Variants in VAV2 observed in about 807,000 individuals in gnomAD.
VAV2 encodes vav guanine nucleotide exchange factor 2, also known as guanine nucleotide exchange factor VAV2.
A neutral mutation model predicts 132.5 loss-of-function variants in VAV2; 67 were observed. The ratio of observed to expected loss-of-function variants is 0.51; its 90% CI spans 0.42 to 0.62. VAV2 has a LOEUF of 0.62. Ranked by LOEUF, VAV2 falls within the 20% of genes least tolerant of loss-of-function variation. The probability of loss-of-function intolerance (pLI) is 0.00; values close to 1 mark genes in which losing one functional copy is unlikely to be tolerated. For missense variants in VAV2, 938 were observed against 1,153.6 expected (o/e 0.81, Z 2.71); for synonymous variants, 492 against 443.5 (o/e 1.11, Z -1.37).
At chr9:133,862,159 C>T (rs1225623952) in intron 2 of VAV2, among the ~76,000 whole-genome samples, 3 of 152,278 alleles carry the variant, frequency 2.0e-5, no homozygotes, top group Non-Finnish European at 4.4e-5. Context: ...CGGCCTGCCC[C>T]GTGATGTGGG....
chr9:133,815,128 C>G (rs1231477221), intron 4 of VAV2, among the ~76,000 whole-genome samples: 1 of 151,956 alleles, frequency 6.6e-6, no homozygotes, highest in Admixed American at 6.5e-5. Flanking sequence ...AGATGAGACT[C>G]GAAGGATGCT....
In VAV2 at chr9:133,883,474, G is replaced by A. The variant is rs538281903; in HGVS notation, c.322-22042C>T. Among the ~76,000 whole-genome samples the A allele has an allele frequency of 1.4e-4, 21 of 152,186 alleles. No individual in the cohort carries two copies. In the East Asian group the frequency reaches 2.5e-3, roughly 18 times the overall value. Reference sequence around the variant, plus strand: ...CAGCTCAGCCACTTAAAAATTCGTCGGAACATGTTGAAACAATGAGGGGAT... The same window carrying A: ...CAGCTCAGCCACTTAAAAATTCGTCAGAACATGTTGAAACAATGAGGGGAT... On this transcript the variant is annotated intron_variant, in intron 2 of 29. Coordinates refer to ENST00000371850, the MANE Select transcript of VAV2 (RefSeq NM_001134398.2). This position sits in a 1 kb window ranked among gnomAD's most constrained non-coding sequence, Gnocchi z 4.2.
At chr9:133,888,016 T>C (rs1449309534) in intron 2 of VAV2, among the ~76,000 whole-genome samples, 1 of 152,094 alleles carries the variant, frequency 6.6e-6, no homozygotes, top group African/African-American at 2.4e-5. Context: ...GGCTGAAGGG[T>C]AGACCCTGCC....
intron 2 of VAV2, among the ~76,000 whole-genome samples, chr9:133,900,910 T>C (rs1481205638): frequency 2.0e-5 from 3 of 151,962 alleles, no homozygotes; most frequent in Non-Finnish European, 2.9e-5. Context: ...GCAATTCTCC[T>C]GTCTCAGCTC....
At chr9:133,986,641 T>TGTGC (rs1434098845) in intron 1 of VAV2, among the ~76,000 whole-genome samples, 35 of 152,020 alleles carry the variant, frequency 2.3e-4, no homozygotes, top group Admixed American at 1.3e-4. Context: ...GTTACCTGTG[T>TGTGC]TGTACTCATA....
At position 133,783,876 on chromosome 9, in the gene VAV2, C is replaced by CTTTTT. The variant is rs1564342140; in HGVS notation, c.1635-286_1635-285insAAAAA. Reference sequence around the variant, plus strand: ...TGAAACTCTAAGGGCTTGGCTGGGCCGTTTTTTTTTTTTTTTTTTTTGGAG... The same window carrying CTTTTT: ...TGAAACTCTAAGGGCTTGGCTGGGCCTTTTTGTTTTTTTTTTTTTTTTTTTTGGAG... On this transcript the variant is annotated intron_variant, in intron 18 of 29. Coordinates refer to ENST00000371850, the MANE Select transcript of VAV2 (RefSeq NM_001134398.2). Among the ~76,000 whole-genome samples the CTTTTT allele has an allele frequency of 1.2e-4, 15 of 125,008 alleles. 6 individuals are homozygous for CTTTTT. Among genetic ancestry groups the CTTTTT allele is most frequent in the Non-Finnish European group, 1.1e-4 (7 of 61,594 alleles). The allele number at this position is 125,008 out of a possible 152,430, so 82.0% of individuals were successfully genotyped here. A position where few individuals can be genotyped will look rare whatever the true frequency, so the allele number is the denominator to read the frequency against.
intron 3 of VAV2, among the ~76,000 whole-genome samples, chr9:133,849,106 G>C (rs543274945): frequency 6.6e-6 from 1 of 152,316 alleles, no homozygotes; most frequent in African/African-American, 2.4e-5. Flanking sequence ...GCTTGTTACA[G>C]AGTAAAACCA....
chr9:133,947,171 C>T (rs939254311), intron 1 of VAV2, among the ~76,000 whole-genome samples: 2 of 152,190 alleles, frequency 1.3e-5, no homozygotes, highest in South Asian at 2.1e-4. Context: ...GTGGCAACCT[C>T]GCTTCCAGAA....
chr9:133,970,810 C>G (rs922738381), intron 1 of VAV2, among the ~76,000 whole-genome samples: 2 of 152,192 alleles, frequency 1.3e-5, no homozygotes, highest in Non-Finnish European at 2.9e-5. Flanking sequence ...GCAGGCCACT[C>G]CTCAATCACA....
rs879835849 is a variant in VAV2 at position 133,976,205 on chromosome 9, C to CA, written c.204+15869dup. Among the ~76,000 whole-genome samples the CA allele has an allele frequency of 4.1e-3, 585 of 143,704 alleles. 5 individuals carry two copies. Among genetic ancestry groups the CA allele is most frequent in the African/African-American group, 0.012 (483 of 39,346 alleles). The allele number at this position is 143,704 out of a possible 152,430, so 94.3% of individuals were successfully genotyped here. ...TGGGTGACAGAGCGAGATTCCATTT[C>CA]AAAAAAAAAAAATGCTATGTTGGCC... On this transcript the variant is annotated intron_variant, in intron 1 of 29. Transcript: ENST00000371850.
chr9:133,841,635 G>A (rs1027043045), intron 3 of VAV2, among the ~76,000 whole-genome samples: 1 of 152,186 alleles, frequency 6.6e-6, no homozygotes, highest in Non-Finnish European at 1.5e-5. Context: ...AGAAGCCACA[G>A]AACAGACCCC....
At position 133,770,463 on chromosome 9, in the gene VAV2, C is replaced by T. The variant is rs762875117; in HGVS notation, c.2262G>A (p.Glu754=). The T allele has an allele frequency of 1.9e-6, 3 of 1,614,130 alleles. No homozygotes were observed. The highest frequency in any genetic ancestry group is 3.3e-5 in the Admixed American group (2 of 60,026). ...GTGTGGTGTCCAGCTGCTTGAAGCT[C>T]TCCTTCAGTGAGTGGCACTGGTAGT... ...VEYYQCHSLK[E]SFKQLDTTLK... is the part of the protein sequence containing the mutation. The change falls in exon 27 of 30, where the codon GAG becomes GAA. Residue 754 remains glutamate (E), a synonymous_variant. Transcript: ENST00000371850.
chr9:133,958,130 T>C (rs1003591152), intron 1 of VAV2, among the ~76,000 whole-genome samples: 5 of 141,574 alleles, frequency 3.5e-5, no homozygotes, highest in African/African-American at 7.6e-5. Flanking sequence ...CCCCATGTGA[T>C]AGTCTGAAAT....
chr9:133,931,743 G>A (rs138172155), intron 2 of VAV2, among the ~76,000 whole-genome samples: 5 of 152,288 alleles, frequency 3.3e-5, no homozygotes, highest in East Asian at 3.9e-4. Flanking sequence ...CTGTCCTCAC[G>A]TCACAGGAGA....
In VAV2 at chr9:133,819,321, T is replaced by A. The variant is rs929658912; in HGVS notation, c.450-7105A>T. On this transcript the variant is annotated intron_variant, in intron 4 of 29. Transcript: ENST00000371850. ...AAAATTAGCCGGGCGTGGTGGCGGG[T>A]GCCTGTAGTCCCAGCTACTTGGGAG... 8.6e-5 allele frequency among the ~76,000 whole-genome samples: 13 copies of A among 150,690 alleles called. No individual in the cohort carries two copies. The East Asian group carries it at 2.6e-3, about 30-fold the overall frequency.
chr9:133,895,814 C>G (rs56946389), intron 2 of VAV2, among the ~76,000 whole-genome samples: 7,593 of 152,246 alleles, frequency 0.05, 501 homozygotes, highest in African/African-American at 0.14. Context: ...CTCAACAATG[C>G]TGCTACTTTA....
chr9:133,942,534 G>A (rs915470177), intron 1 of VAV2, among the ~76,000 whole-genome samples: 2 of 152,392 alleles, frequency 1.3e-5, no homozygotes, highest in Non-Finnish European at 2.9e-5. Flanking sequence ...GCGGCTGCAT[G>A]TGCTGCAGCT....
At chr9:133,953,787 C>A (rs978086102) in intron 1 of VAV2, among the ~76,000 whole-genome samples, 3 of 152,180 alleles carry the variant, frequency 2.0e-5, no homozygotes, top group Admixed American at 6.5e-5. Flanking sequence ...GCTCCCATGA[C>A]CCCGGCTCCC....
At chr9:133,922,767 G>A (rs556051611) in intron 2 of VAV2, among the ~76,000 whole-genome samples, 1 of 152,182 alleles carries the variant, frequency 6.6e-6, no homozygotes, top group Non-Finnish European at 1.5e-5. Context: ...AAAACATAGG[G>A]GAAAAGTTTC....
Sources: gnomAD v4.1 joint callset for allele counts (sites outside exome capture counted in the v4.1 genomes callset) on GRCh38, gnomAD v4.1.1 for gene constraint, Gnocchi (gnomAD v3.1) non-coding constraint, MANE v1.5 for transcripts, NCBI Gene and HGNC (gene_info 2026-07-23, HGNC 2026-07-21) for gene names.